Variants in ZNF254 observed in about 807,000 individuals in gnomAD.
ZNF254 encodes the protein zinc finger protein 254.
ZNF254 carries 10 observed loss-of-function variants against 12.4 expected under a neutral mutation model. The ratio of observed to expected loss-of-function variants is 0.80; its 90% CI spans 0.50 to 1.36. ZNF254 has a LOEUF of 1.36. ZNF254 is among the 40% of genes most tolerant of loss of function. The probability of loss-of-function intolerance (pLI) is 0.00; values close to 1 mark genes in which losing one functional copy is unlikely to be tolerated. For synonymous variants in ZNF254, 305 were observed against 253.4 expected, an observed-to-expected ratio of 1.20 and a Z score of -1.93; for missense variants, 996 against 763.9, an observed-to-expected ratio of 1.30 and a Z score of -3.58.
At chr19:24,050,654 G>T (rs796878931) in intron 2 of ZNF254, among the ~76,000 whole-genome samples, 15 of 152,324 alleles carry the variant, frequency 9.8e-5, no homozygotes, top group African/African-American at 3.6e-4. Flanking sequence ...ATATATGTGG[G>T]CCCATTGCTG....
intron 3 of ZNF254, chr19:24,107,368 A>AT: frequency 2.4e-6 from 1 of 421,220 alleles, no homozygotes; most frequent in Non-Finnish European, 4.2e-6. Context: ...GTCCTCTCTA[A>AT]TTTTTTTCAT....
chr19:24,049,212 A>ATTT (rs1179977299), intron 2 of ZNF254, among the ~76,000 whole-genome samples: 21 of 42,214 alleles, frequency 5.0e-4, no homozygotes, highest in South Asian at 7.0e-4. Flanking sequence ...ATATATATAT[A>ATTT]TATTTTTTTT....
intron 2 of ZNF254, among the ~76,000 whole-genome samples, chr19:24,063,483 C>A (rs1379225632): frequency 6.6e-6 from 1 of 152,212 alleles, no homozygotes; most frequent in Non-Finnish European, 1.5e-5. Flanking sequence ...TGTATTGTGA[C>A]ATATTGCTGG....
Position 24,126,828 on chromosome 19 carries a change from T to G in ZNF254, c.828T>G (p.Asn276Lys), listed in dbSNP as rs745446830. The change falls in exon 4 of 4, where the codon AAT becomes AAG. Residue 276 changes from asparagine to lysine, a missense_variant. Asn to Lys is a moderately conservative substitution (Grantham distance 94). Coordinates refer to ENST00000357002, the MANE Select transcript of ZNF254 (RefSeq NM_203282.4). ...GTGAAGAATGTGGTGAAGCTTTTAATCGATCCTCAAATCTTACTACACATA... is the reference window on the plus strand; with the variant it reads ...GTGAAGAATGTGGTGAAGCTTTTAAGCGATCCTCAAATCTTACTACACATA... The part of the protein sequence containing the change: ...YKCEECGEAF[N>K]RSSNLTTHKI... 1.2e-6 allele frequency: 2 copies of G among 1,612,894 alleles called. No individual in the cohort carries two copies. The highest frequency in any genetic ancestry group is 1.3e-5 in the African/African-American group (1 of 74,820).
chr19:24,125,712 T>A (rs528433651), intron 3 of ZNF254, among the ~76,000 whole-genome samples: 3 of 152,236 alleles, frequency 2.0e-5, no homozygotes, highest in Admixed American at 6.5e-5. Flanking sequence ...CTTTTCCATT[T>A]CTGTGGTACT....
At chr19:24,042,392 G>A (rs1055627920) in intron 1 of ZNF254, among the ~76,000 whole-genome samples, 1 of 152,174 alleles carries the variant, frequency 6.6e-6, no homozygotes, top group African/African-American at 2.4e-5. Context: ...TTGGCAACCC[G>A]CTCAGGTCCC....
chr19:24,044,411 A>C (rs1469918826), intron 1 of ZNF254, among the ~76,000 whole-genome samples: 2 of 149,072 alleles, frequency 1.3e-5, no homozygotes, highest in Non-Finnish European at 1.5e-5. Flanking sequence ...GGTGGCAGGC[A>C]CCTGTAGTCC....
chr19:24,086,442 G>GT, upstream of ZNF254, among the ~76,000 whole-genome samples: 1 of 151,588 alleles, frequency 6.6e-6, no homozygotes, highest in African/African-American at 2.4e-5. Flanking sequence ...AGAAGCTGGG[G>GT]TTATAGGCGT....
intron 1 of ZNF254, among the ~76,000 whole-genome samples, chr19:24,096,206 G>C (rs1972662678): frequency 6.6e-6 from 1 of 151,780 alleles, no homozygotes; most frequent in Admixed American, 6.6e-5. Context: ...TTACAGGCAT[G>C]TGCCACCATG....
chr19:24,126,320 C>T lies in ZNF254; in HGVS notation c.320C>T (p.Ala107Val), dbSNP rs1381477962. The change falls in exon 4 of 4, where the codon GCA (alanine) becomes GTA (valine). Residue 107 changes from alanine to valine, a missense_variant. Transcript: ENST00000357002. Reference sequence around the variant, plus strand: ...GGCATGGAAGATTCTTTTCAAAAAGCAATACTGAGAAGATATGGAAAATAT... The same window carrying T: ...GGCATGGAAGATTCTTTTCAAAAAGTAATACTGAGAAGATATGGAAAATAT... ...EQGMEDSFQK[A>V]ILRRYGKYGH... The T allele has an allele frequency of 7.5e-6, 12 of 1,595,866 alleles. No homozygotes were observed. The African/African-American group carries it at 1.4e-4, about 18-fold the overall frequency.
intron 1 of ZNF254, among the ~76,000 whole-genome samples, chr19:24,087,886 G>A (rs1041381814): frequency 2.1e-4 from 32 of 150,190 alleles, no homozygotes; most frequent in African/African-American, 7.4e-5. Context: ...AATTGGCTAG[G>A]TACAGCAATC....
At chr19:24,109,011 C>T (rs1038711224) in intron 3 of ZNF254, among the ~76,000 whole-genome samples, 13 of 152,116 alleles carry the variant, frequency 8.5e-5, no homozygotes, top group Admixed American at 2.0e-4. Flanking sequence ...AAAAATTAGC[C>T]GGGCATGGCG....
chr19:24,098,808 A>G (rs1972820713), intron 1 of ZNF254: 1 of 152,120 alleles, frequency 6.6e-6, no homozygotes, highest in African/African-American at 2.4e-5. Context: ...AGGCTATTAC[A>G]GTGAGAACTC....
chr19:24,064,091 T>A (rs1160053563), intron 2 of ZNF254: 1 of 152,222 alleles, frequency 6.6e-6, no homozygotes, highest in Admixed American at 6.5e-5. Context: ...TGATACATGT[T>A]TGGGCCTCCC....
At chr19:24,115,995 C>A (rs1974041956) in intron 3 of ZNF254, among the ~76,000 whole-genome samples, 1 of 152,170 alleles carries the variant, frequency 6.6e-6, no homozygotes, top group Non-Finnish European at 1.5e-5. Flanking sequence ...GTTGAAAATT[C>A]TTTTCTTTAA....
chr19:24,043,324 C>T (rs1354882053), intron 1 of ZNF254, among the ~76,000 whole-genome samples: 2 of 151,932 alleles, frequency 1.3e-5, no homozygotes, highest in South Asian at 4.1e-4. Context: ...TGCAGTGGCA[C>T]GATCTGAGCT....
intron 2 of ZNF254, among the ~76,000 whole-genome samples, chr19:24,053,769 T>A (rs1344352449): frequency 6.8e-6 from 1 of 147,138 alleles, no homozygotes. Flanking sequence ...TTATAACATA[T>A]CTTTTTATTC....
rs905776858 is a variant in ZNF254 at position 24,126,909 on chromosome 19, T to A, written c.909T>A (p.Phe303Leu). The stretch of plus-strand genomic sequence containing the variant: ...AGTGTGAAGAATGTGGCAAAGCATT[T>A]ATCTGGTCCTCAACCCTTACTGAGC... Reference protein sequence around the residue: ...PYKCEECGKAFIWSSTLTEHK... With the variant: ...PYKCEECGKALIWSSTLTEHK... The change falls in exon 4 of 4, where the codon TTT becomes TTA. Residue 303 changes from phenylalanine to leucine, a missense_variant. Transcript: ENST00000357002. The A allele has an allele frequency of 6.2e-7, 1 of 1,613,638 alleles. No homozygotes were observed. Among genetic ancestry groups the A allele is most frequent in the African/African-American group, 1.3e-5 (1 of 74,996 alleles).
chr19:24,104,093 C>G (rs556757990), intron 1 of ZNF254: 1 of 152,048 alleles, frequency 6.6e-6, no homozygotes, highest in Non-Finnish European at 1.5e-5. Flanking sequence ...CTCCAGACTT[C>G]GTGATCCACC....
Sources: allele counts gnomAD v4.1 joint callset (sites outside exome capture counted in the v4.1 genomes callset), GRCh38; gene constraint gnomAD v4.1.1; transcripts MANE v1.5; gene names NCBI Gene and HGNC (gene_info 2026-07-23, HGNC 2026-07-21).